ACOXL: variants seen among roughly 807,000 people sequenced by gnomAD.
The protein encoded by ACOXL is acyl-CoA oxidase like.
In ACOXL, 70 loss-of-function variants were observed where a neutral mutation model predicts 71.9. That is an observed-to-expected ratio of 0.97 (90% CI 0.80 to 1.19). The LOEUF (loss-of-function observed/expected upper bound fraction) is 1.19, where lower values mean the gene tolerates loss of function less well. Ranked by LOEUF, ACOXL falls within the 50% of genes most tolerant of loss-of-function variation. The pLI is 0.00. For synonymous variants in ACOXL, 253 were observed against 281.6 expected (o/e 0.90, Z 1.02); for missense variants, 703 against 736.3 (o/e 0.95, Z 0.52).
At chr2:111,112,408 G>A (rs186978389) in intron 17 of ACOXL, among the ~76,000 whole-genome samples, 2 of 152,298 alleles carry the variant, frequency 1.3e-5, no homozygotes, top group Non-Finnish European at 2.9e-5. Flanking sequence ...CACAGCACAC[G>A]CTATGAGATT....
intron 3 of ACOXL, among the ~76,000 whole-genome samples, chr2:110,792,600 G>A (rs1298323139): frequency 2.6e-5 from 4 of 152,024 alleles, no homozygotes; most frequent in Non-Finnish European, 4.4e-5. Flanking sequence ...GACCAGCCTG[G>A]GCAACATAGC....
chr2:111,031,559 G>C, intron 14 of ACOXL, 68 bp from the exon 15 acceptor site: 1 of 1,425,874 alleles, frequency 7.0e-7, no homozygotes, highest in Non-Finnish European at 9.9e-7. Context: ...TTTGCCGTCT[G>C]TCTTGCTATT....
intron 9 of ACOXL, among the ~76,000 whole-genome samples, chr2:110,818,423 ATGTG>A (rs766770172): frequency 9.7e-4 from 133 of 137,680 alleles, no homozygotes; most frequent in Middle Eastern, 3.8e-3. Flanking sequence ...ATATATATAT[ATGTG>A]TGTGTGTGTG....
At chr2:110,911,014 C>T (rs1044991512) in intron 11 of ACOXL, among the ~76,000 whole-genome samples, 5 of 151,990 alleles carry the variant, frequency 3.3e-5, no homozygotes, top group African/African-American at 1.2e-4. Context: ...ATTGCTATAA[C>T]TGTAACTTAA....
chr2:110,793,987 C>G (rs1376277025), intron 4 of ACOXL, 89 bp from the exon 5 acceptor site: 1 of 1,353,896 alleles, frequency 7.4e-7, no homozygotes, highest in African/African-American at 1.4e-5. Flanking sequence ...CTGTCCCTCT[C>G]TCACCACCAT....
chr2:110,963,031 C>G (rs1369366503), intron 12 of ACOXL, among the ~76,000 whole-genome samples: 1 of 152,078 alleles, frequency 6.6e-6, no homozygotes, highest in Non-Finnish European at 1.5e-5. Context: ...GTAGCTGATT[C>G]TCTGGTTTGT....
chr2:110,763,347 A>G (rs957431399), intron 1 of ACOXL, among the ~76,000 whole-genome samples: 3 of 152,270 alleles, frequency 2.0e-5, no homozygotes, highest in Non-Finnish European at 2.9e-5. Flanking sequence ...AAATGGATCA[A>G]TGAAACAGAA....
chr2:110,975,415 A>AGTGTGTGTGT (rs3059265), intron 12 of ACOXL, among the ~76,000 whole-genome samples: 4 of 150,192 alleles, frequency 2.7e-5, no homozygotes, highest in African/African-American at 4.9e-5. Flanking sequence ...TGTTTGTGTG[A>AGTGTGTGTGT]GTGTGTGTGT....
intron 11 of ACOXL, among the ~76,000 whole-genome samples, chr2:110,911,242 C>T (rs2059639263): frequency 6.6e-6 from 1 of 151,906 alleles, no homozygotes; most frequent in African/African-American, 2.4e-5. Flanking sequence ...TAAAACTTCC[C>T]ACAATGAAAA....
At chr2:110,984,296 TTATAA>T (rs2062838579) in intron 12 of ACOXL, among the ~76,000 whole-genome samples, 1 of 152,100 alleles carries the variant, frequency 6.6e-6, no homozygotes, top group Non-Finnish European at 1.5e-5. Flanking sequence ...ACATAGTATA[TTATAA>T]TATATTCAGG....
chr2:110,849,895 A>T (rs1333201209), intron 10 of ACOXL, among the ~76,000 whole-genome samples: 1 of 152,264 alleles, frequency 6.6e-6, no homozygotes, highest in Non-Finnish European at 1.5e-5. Flanking sequence ...ACTATAGGAC[A>T]TGTAGGCAAA....
At chr2:111,015,307 G>A (rs184420980) in intron 14 of ACOXL, among the ~76,000 whole-genome samples, 19 of 152,228 alleles carry the variant, frequency 1.2e-4, no homozygotes, top group African/African-American at 4.3e-4. Context: ...TGCACAAAAA[G>A]CTTTAAAAGA....
At chr2:110,926,133 G>A (rs2060260526) in intron 11 of ACOXL, among the ~76,000 whole-genome samples, 2 of 152,022 alleles carry the variant, frequency 1.3e-5, no homozygotes, top group Admixed American at 1.3e-4. Flanking sequence ...TAACATCAAA[G>A]ATCACTAATG....
At chr2:110,863,826 A>G (rs1050400013) in intron 10 of ACOXL, among the ~76,000 whole-genome samples, 1 of 152,150 alleles carries the variant, frequency 6.6e-6, no homozygotes, top group African/African-American at 2.4e-5. Flanking sequence ...TTTCACTGTC[A>G]TGAGGAATCT....
At chr2:111,006,215 G>A (rs1207268631) in intron 14 of ACOXL, among the ~76,000 whole-genome samples, 1 of 152,236 alleles carries the variant, frequency 6.6e-6, no homozygotes, top group Non-Finnish European at 1.5e-5. Flanking sequence ...GGCTGCCTGT[G>A]CAAAGGTCAC....
At chr2:110,861,317 A>G (rs553770944) in intron 10 of ACOXL, among the ~76,000 whole-genome samples, 1 of 152,200 alleles carries the variant, frequency 6.6e-6, no homozygotes, top group African/African-American at 2.4e-5. Flanking sequence ...AAACAACAAA[A>G]TCTTGACAAA....
At chr2:111,106,963 C>T (rs2069579630) in intron 17 of ACOXL, among the ~76,000 whole-genome samples, 1 of 152,182 alleles carries the variant, frequency 6.6e-6, no homozygotes, top group South Asian at 2.1e-4. Flanking sequence ...TCCCACTAGG[C>T]CTTCTCTGAC....
At chr2:110,735,803 G>A (rs1183736196) in intron 1 of ACOXL, among the ~76,000 whole-genome samples, 1 of 152,210 alleles carries the variant, frequency 6.6e-6, no homozygotes, top group Non-Finnish European at 1.5e-5. Context: ...GATTTGCAGG[G>A]AATGTTAAAA....
intron 9 of ACOXL, among the ~76,000 whole-genome samples, chr2:110,840,437 C>T (rs1164604624): frequency 1.3e-5 from 2 of 152,180 alleles, no homozygotes; most frequent in South Asian, 2.1e-4. Context: ...CACACGCATA[C>T]ACACACAGAG....
Sources: allele counts gnomAD v4.1 joint callset (sites outside exome capture counted in the v4.1 genomes callset), GRCh38; gene constraint gnomAD v4.1.1; transcripts MANE v1.5; gene names NCBI Gene and HGNC (gene_info 2026-07-23, HGNC 2026-07-21).